Variants in GALNT13 observed in about 807,000 individuals in gnomAD.
GALNT13 encodes the protein UDP-GalNAc:polypeptide N-acetylgalactosaminyltransferase 13.
In GALNT13, 28 loss-of-function variants were observed where a neutral mutation model predicts 64.2. The observed-to-expected ratio is 0.44, with a 90% confidence interval of 0.32 to 0.60. The LOEUF is 0.60. Ranked by LOEUF, GALNT13 falls within the 20% of genes least tolerant of loss-of-function variation. The probability of loss-of-function intolerance (pLI) is 0.05; values close to 1 mark genes in which losing one functional copy is unlikely to be tolerated. For missense variants in GALNT13, 577 were observed against 669.8 expected (o/e 0.86, Z 1.53); for synonymous variants, 214 against 224.6 (o/e 0.95, Z 0.42).
At chr2:153,752,084 G>A in the GALNT13 span, among the ~76,000 whole-genome samples, 1 of 151,756 alleles carries the variant, frequency 6.6e-6, no homozygotes, top group African/African-American at 2.4e-5. Flanking sequence ...AACACTATTT[G>A]CATAAAGAAA....
At chr2:154,318,475 C>T (rs761115162) in intron 9 of GALNT13, among the ~76,000 whole-genome samples, 2 of 152,066 alleles carry the variant, frequency 1.3e-5, no homozygotes. Flanking sequence ...CCTGTAATCC[C>T]AGCACTTTGG....
chr2:153,166,415 T>G, the GALNT13 span, among the ~76,000 whole-genome samples: 1 of 152,070 alleles, frequency 6.6e-6, no homozygotes, highest in Non-Finnish European at 1.5e-5. Context: ...AAACCAGGAA[T>G]TGTATTAAAA....
chr2:153,860,782 T>C, the GALNT13 span, among the ~76,000 whole-genome samples: 1 of 152,210 alleles, frequency 6.6e-6, no homozygotes, highest in Non-Finnish European at 1.5e-5. Flanking sequence ...CAAAAGTCCC[T>C]GGGGCTTACA....
chr2:154,170,831 T>C (rs755920582), intron 4 of GALNT13, among the ~76,000 whole-genome samples: 40 of 152,118 alleles, frequency 2.6e-4, no homozygotes, highest in Non-Finnish European at 5.3e-4. Flanking sequence ...AATTCCAACA[T>C]GAAAATATCC....
At chr2:153,372,523 G>A in the GALNT13 span, among the ~76,000 whole-genome samples, 10 of 152,168 alleles carry the variant, frequency 6.6e-5, no homozygotes, top group Non-Finnish European at 1.2e-4. Flanking sequence ...GTACACACCT[G>A]TAGTCCCAGC....
At chr2:154,274,096 A>G (rs1054027937) in intron 8 of GALNT13, among the ~76,000 whole-genome samples, 1 of 152,106 alleles carries the variant, frequency 6.6e-6, no homozygotes, top group Admixed American at 6.6e-5. Context: ...CCTATCAATC[A>G]GTATAAATAT....
At chr2:153,767,804 T>C in the GALNT13 span, among the ~76,000 whole-genome samples, 111 of 149,634 alleles carry the variant, frequency 7.4e-4, 1 homozygote, top group South Asian at 1.7e-3. Flanking sequence ...TTTTTTTTTT[T>C]TCCCCCTGTT....
At chr2:153,831,954 T>A in the GALNT13 span, among the ~76,000 whole-genome samples, 2 of 152,184 alleles carry the variant, frequency 1.3e-5, no homozygotes. Context: ...GTGGGCTAGC[T>A]TTGTCATAAA....
At chr2:153,162,228 G>C in the GALNT13 span, among the ~76,000 whole-genome samples, 53 of 152,206 alleles carry the variant, frequency 3.5e-4, no homozygotes, top group East Asian at 8.7e-3. Flanking sequence ...CCATTTCTTG[G>C]TACAGGGTTA....
At chr2:154,323,301 AAGG>A (rs2105169230) in intron 9 of GALNT13, among the ~76,000 whole-genome samples, 1 of 151,930 alleles carries the variant, frequency 6.6e-6, no homozygotes, top group Non-Finnish European at 1.5e-5. Context: ...AAAAATAAAA[AAGG>A]AGAGGAGTAG....
chr2:153,344,816 T>A, the GALNT13 span, among the ~76,000 whole-genome samples: 1 of 152,194 alleles, frequency 6.6e-6, no homozygotes, highest in African/African-American at 2.4e-5. Context: ...ATTGTGATAG[T>A]CATTTCACTA....
the GALNT13 span, among the ~76,000 whole-genome samples, chr2:153,292,829 C>G: frequency 4.6e-5 from 7 of 151,934 alleles, no homozygotes; most frequent in Admixed American, 4.6e-4. Flanking sequence ...AAAAGACAAC[C>G]GGTATAATTC....
At chr2:153,917,741 T>C (rs1391120368) in intron 2 of GALNT13, among the ~76,000 whole-genome samples, 1 of 152,166 alleles carries the variant, frequency 6.6e-6, no homozygotes, top group Non-Finnish European at 1.5e-5. Context: ...ATCAGTCATG[T>C]TGCCAGGCAA....
chr2:153,560,679 G>T, the GALNT13 span, among the ~76,000 whole-genome samples: 1 of 151,890 alleles, frequency 6.6e-6, no homozygotes, highest in South Asian at 2.1e-4. Flanking sequence ...TATTTTTACT[G>T]CTCTTTCAAT....
the GALNT13 span, among the ~76,000 whole-genome samples, chr2:153,469,604 G>A: frequency 2.6e-5 from 4 of 151,950 alleles, no homozygotes; most frequent in Admixed American, 1.3e-4. Flanking sequence ...AGGATATGAG[G>A]AGCAATTTAA....
chr2:153,586,416 G>A, the GALNT13 span, among the ~76,000 whole-genome samples: 653 of 152,162 alleles, frequency 4.3e-3, 3 homozygotes, highest in Middle Eastern at 0.01. Flanking sequence ...AGATAAAATC[G>A]ACTTTAAGTT....
At chr2:154,104,695 C>A (rs1702521369) in intron 3 of GALNT13, among the ~76,000 whole-genome samples, 2 of 152,236 alleles carry the variant, frequency 1.3e-5, no homozygotes, top group African/African-American at 2.4e-5. Flanking sequence ...TACACTAGAT[C>A]TCCAGGTATC....
the GALNT13 span, among the ~76,000 whole-genome samples, chr2:153,733,297 A>G: frequency 6.6e-6 from 1 of 152,198 alleles, no homozygotes; most frequent in East Asian, 1.9e-4. Context: ...ATCGACGTAG[A>G]TTAGAAAATG....
At chr2:153,182,409 C>G in the GALNT13 span, among the ~76,000 whole-genome samples, 1 of 152,176 alleles carries the variant, frequency 6.6e-6, no homozygotes, top group Admixed American at 6.5e-5. Context: ...TATAAATTTT[C>G]ACAGATATGA....
Sources: allele counts gnomAD v4.1 joint callset (sites outside exome capture counted in the v4.1 genomes callset), GRCh38; gene constraint gnomAD v4.1.1; transcripts MANE v1.5; gene names NCBI Gene and HGNC (gene_info 2026-07-23, HGNC 2026-07-21).